PRKCE: variants seen among roughly 807,000 people sequenced by gnomAD.
PRKCE encodes protein kinase C epsilon type.
Under a neutral mutation model 85.4 loss-of-function variants are expected in PRKCE, and 16 were observed. That is an observed-to-expected ratio of 0.19 (90% CI 0.13 to 0.28). PRKCE has a LOEUF of 0.28. Among genes scored for constraint, PRKCE ranks in the 10% least tolerant of loss-of-function variants. PRKCE has a pLI of 1.00. For synonymous variants in PRKCE, 388 were observed against 371.5 expected (o/e 1.04, Z -0.51); for missense variants, 573 against 975.2 (o/e 0.59, Z 5.49).
intron 2 of PRKCE, among the ~76,000 whole-genome samples, chr2:45,953,713 T>C (rs992315772): frequency 3.9e-5 from 6 of 152,210 alleles, no homozygotes; most frequent in African/African-American, 1.4e-4. Flanking sequence ...TTGTGAGCTT[T>C]AAGAAAAGTA....
At chr2:45,784,400 AC>A (rs1371143072) in intron 1 of PRKCE, among the ~76,000 whole-genome samples, 1 of 152,274 alleles carries the variant, frequency 6.6e-6, no homozygotes, top group East Asian at 1.9e-4. Flanking sequence ...GAGAAGACTT[AC>A]ATTTGGAGAG....
At chr2:45,946,148 T>C (rs1700228044) in intron 2 of PRKCE, among the ~76,000 whole-genome samples, 1 of 152,238 alleles carries the variant, frequency 6.6e-6, no homozygotes, top group Non-Finnish European at 1.5e-5. Context: ...AGAACCACTT[T>C]GTAAAGGAAT....
chr2:45,907,743 G>A lies in PRKCE; in HGVS notation c.412+64680G>A, dbSNP rs778015653. Among the ~76,000 whole-genome samples, 7 of 152,310 alleles carry A rather than the reference G, an allele frequency of 4.6e-5. No individual in the cohort carries two copies. Among genetic ancestry groups the A allele is most frequent in the African/African-American group, 7.2e-5 (3 of 41,572 alleles). On this transcript the variant is annotated intron_variant, in intron 2 of 14. Transcript: ENST00000306156. The surrounding 1 kb of genome is among the most constrained non-coding windows in gnomAD (Gnocchi z 4.5). The stretch of plus-strand genomic sequence containing the variant: ...CTGCGCAGCTGTAGTACCTGAGGGC[G>A]TGACTGAGCCAATGGCCACCTCTGG...
chr2:45,729,876 T>G (rs1398566524), intron 1 of PRKCE, among the ~76,000 whole-genome samples: 1 of 152,004 alleles, frequency 6.6e-6, no homozygotes, highest in Non-Finnish European at 1.5e-5. Context: ...AAGCCTGGAG[T>G]GCAGTTCCTA....
At chr2:46,077,604 C>G (rs978846868) in intron 10 of PRKCE, among the ~76,000 whole-genome samples, 1 of 152,100 alleles carries the variant, frequency 6.6e-6, no homozygotes, top group African/African-American at 2.4e-5. Flanking sequence ...TGGGAGTTAG[C>G]AGGGGGTGAA....
At position 46,050,755 on chromosome 2, in the gene PRKCE, C is replaced by G. The variant is rs1324208665; in HGVS notation, c.1438-35453C>G. On this transcript the variant is annotated intron_variant, in intron 10 of 14. Coordinates refer to ENST00000306156, the MANE Select transcript of PRKCE (RefSeq NM_005400.3). Reference sequence around the variant, plus strand: ...GACCTTTGATTTCTTTTTTCCCCCCCAGCCACGTCCTGGGAATAATTTAGG... The same window carrying G: ...GACCTTTGATTTCTTTTTTCCCCCCGAGCCACGTCCTGGGAATAATTTAGG... Among the ~76,000 whole-genome samples, 7 of 152,330 alleles carry G rather than the reference C, an allele frequency of 4.6e-5. No individual in the cohort carries two copies. The East Asian group carries it at 7.7e-4, about 17-fold the overall frequency.
At chr2:45,668,362 C>G (rs1047966999) in intron 1 of PRKCE, among the ~76,000 whole-genome samples, 4 of 152,156 alleles carry the variant, frequency 2.6e-5, no homozygotes, top group Admixed American at 6.5e-5. Flanking sequence ...AAAATGTTTG[C>G]TATTGCTATT....
At chr2:45,684,535 C>T (rs1392081615) in intron 1 of PRKCE, among the ~76,000 whole-genome samples, 1 of 152,230 alleles carries the variant, frequency 6.6e-6, no homozygotes, top group Non-Finnish European at 1.5e-5. Flanking sequence ...GGCATTTGAT[C>T]TATGTTAATA....
At chr2:45,712,483 G>T (rs1393422329) in intron 1 of PRKCE, among the ~76,000 whole-genome samples, 1 of 152,036 alleles carries the variant, frequency 6.6e-6, no homozygotes, top group Non-Finnish European at 1.5e-5. Context: ...ACCCAAATCT[G>T]ATCATGCTAT....
intron 1 of PRKCE, among the ~76,000 whole-genome samples, chr2:45,704,026 A>C (rs533443138): frequency 1.3e-5 from 2 of 152,192 alleles, no homozygotes; most frequent in African/African-American, 4.8e-5. Flanking sequence ...CCATTCATCT[A>C]TCCATTAACC....
intron 2 of PRKCE, among the ~76,000 whole-genome samples, chr2:45,863,209 A>G (rs116279956): frequency 1.8e-4 from 28 of 152,144 alleles, no homozygotes; most frequent in Admixed American, 6.5e-4. Context: ...TCTAGGGTCT[A>G]GGATACTTTG....
At chr2:45,924,135 G>T (rs142611266) in intron 2 of PRKCE, among the ~76,000 whole-genome samples, 1 of 152,254 alleles carries the variant, frequency 6.6e-6, no homozygotes, top group East Asian at 1.9e-4. Context: ...GCCTTAAACC[G>T]TCAGGGACTT....
chr2:46,180,293 G>A (rs1300511879), intron 14 of PRKCE, among the ~76,000 whole-genome samples: 1 of 152,220 alleles, frequency 6.6e-6, no homozygotes, highest in Non-Finnish European at 1.5e-5. Context: ...AGCTATGCAA[G>A]GCTGGAGGCA....
intron 6 of PRKCE, among the ~76,000 whole-genome samples, chr2:45,990,215 C>T (rs1225979232): frequency 6.6e-6 from 1 of 152,216 alleles, no homozygotes; most frequent in Non-Finnish European, 1.5e-5. Flanking sequence ...GATCCACTTC[C>T]AAGCTCGCCC....
rs193182778 is a variant in PRKCE, at chr2:45,672,839, A to G, written c.348+20391A>G. ...CAGGAGTTTGAGACCAGCCTGGGCA[A>G]CGTAGTAAGAGCCAGTCTCTAAAAA... On this transcript the variant is annotated intron_variant, in intron 1 of 14. Transcript: ENST00000306156. Among the ~76,000 whole-genome samples the G allele has an allele frequency of 5.9e-5, 9 of 152,208 alleles. No homozygotes were observed. In the East Asian group the frequency reaches 9.7e-4, roughly 16 times the overall value.
At chr2:45,814,291 A>G (rs935734210) in intron 1 of PRKCE, among the ~76,000 whole-genome samples, 4 of 152,188 alleles carry the variant, frequency 2.6e-5, no homozygotes, top group African/African-American at 4.8e-5. Context: ...ATAAGGAGCC[A>G]TTTTCCTAGA....
At chr2:45,980,116 T>C (rs910993319) in intron 4 of PRKCE, among the ~76,000 whole-genome samples, 180 bp from the exon 5 acceptor site, 2 of 152,212 alleles carry the variant, frequency 1.3e-5, no homozygotes, top group African/African-American at 4.8e-5. Flanking sequence ...AACTGATGGC[T>C]CTGATAGGAC....
At chr2:45,887,394 A>C (rs916565198) in intron 2 of PRKCE, among the ~76,000 whole-genome samples, 1 of 118,544 alleles carries the variant, frequency 8.4e-6, no homozygotes, top group Middle Eastern at 4.5e-3. Context: ...TCAGTTGTAG[A>C]AAGCAGAATA....
At chr2:45,959,669 C>T (rs1479828772) in intron 2 of PRKCE, among the ~76,000 whole-genome samples, 1 of 152,156 alleles carries the variant, frequency 6.6e-6, no homozygotes, top group Non-Finnish European at 1.5e-5. Flanking sequence ...TTGCTTTTCT[C>T]AAGCAGATAC....
Sources: gnomAD v4.1 joint callset for allele counts (sites outside exome capture counted in the v4.1 genomes callset) on GRCh38, gnomAD v4.1.1 for gene constraint, Gnocchi (gnomAD v3.1) non-coding constraint, MANE v1.5 for transcripts, NCBI Gene and HGNC (gene_info 2026-07-23, HGNC 2026-07-21) for gene names.